Variants in CCDC7 observed in about 807,000 individuals in gnomAD.
CCDC7 encodes the protein coiled-coil domain containing 7.
Under a neutral mutation model 196.9 loss-of-function variants are expected in CCDC7, and 183 were observed. That is an observed-to-expected ratio of 0.93 (90% CI 0.82 to 1.05). CCDC7 has a LOEUF of 1.05. Ranked by LOEUF, CCDC7 falls within the 50% of genes least tolerant of loss-of-function variation. CCDC7 has a pLI of 0.00. For synonymous variants in CCDC7, 525 were observed against 484.6 expected, an observed-to-expected ratio of 1.08 and a Z score of -1.10; for missense variants, 1,540 against 1,482.2, an observed-to-expected ratio of 1.04 and a Z score of -0.64.
intron 28 of CCDC7, among the ~76,000 whole-genome samples, chr10:32,744,246 T>C (rs1449167897): frequency 2.0e-5 from 3 of 152,122 alleles, no homozygotes; most frequent in Non-Finnish European, 2.9e-5. Context: ...AAGCCTATAC[T>C]GTTTGCTAAA....
intron 20 of CCDC7, among the ~76,000 whole-genome samples, chr10:32,636,212 T>G (rs996139349): frequency 5.3e-5 from 8 of 152,148 alleles, no homozygotes; most frequent in Admixed American, 4.6e-4. Context: ...CTGGTTTTCA[T>G]TTAGTTCTTT....
chr10:32,703,937 T>C (rs1349457688), intron 24 of CCDC7, among the ~76,000 whole-genome samples: 1 of 152,076 alleles, frequency 6.6e-6, no homozygotes, highest in Non-Finnish European at 1.5e-5. Context: ...TCAAGGTTTT[T>C]AACTTCTTTG....
chr10:32,788,767 T>C (rs959436951), intron 29 of CCDC7, among the ~76,000 whole-genome samples: 6 of 152,208 alleles, frequency 3.9e-5, no homozygotes, highest in African/African-American at 1.4e-4. Context: ...CAAGTCATTC[T>C]CCATGGACCC....
Position 32,534,061 on chromosome 10 carries a change from CT to C in CCDC7, c.994-9238del, listed in dbSNP as rs201052333. On this transcript the variant is annotated intron_variant, in intron 11 of 41. Coordinates refer to ENST00000639629, the Ensembl canonical transcript of CCDC7. Reference sequence around the variant, plus strand: ...AGATTTGGTTCTTTAAAATAATTTTCTATATCTTGAAGGTAATTTTTATTCC... The same window carrying C: ...AGATTTGGTTCTTTAAAATAATTTTCATATCTTGAAGGTAATTTTTATTCC... 6.6e-3 allele frequency among the ~76,000 whole-genome samples: 1,007 copies of C among 152,130 alleles called. 7 individuals are homozygous for C. Among genetic ancestry groups the C allele is most frequent in the African/African-American group, 0.022 (902 of 41,536 alleles).
intron 28 of CCDC7, among the ~76,000 whole-genome samples, chr10:32,744,373 G>GAA (rs544931743): frequency 1.2e-4 from 15 of 125,334 alleles, no homozygotes; most frequent in Non-Finnish European, 1.7e-4. Context: ...TCCTGCTGGT[G>GAA]AAAAAAAAAA....
intron 28 of CCDC7, among the ~76,000 whole-genome samples, chr10:32,755,795 A>G (rs551760308): frequency 6.6e-6 from 1 of 152,248 alleles, no homozygotes; most frequent in South Asian, 2.1e-4. Context: ...ACGATCAGTA[A>G]TAACAAATTT....
intron 8 of CCDC7, among the ~76,000 whole-genome samples, chr10:32,487,960 C>T (rs1023260453): frequency 5.9e-5 from 9 of 152,328 alleles, no homozygotes; most frequent in South Asian, 4.1e-4. Context: ...GCAGTCTGTC[C>T]GTTCTCAGAT....
intron 21 of CCDC7, among the ~76,000 whole-genome samples, chr10:32,683,563 G>C (rs986424659): frequency 6.6e-6 from 1 of 152,154 alleles, no homozygotes; most frequent in South Asian, 2.1e-4. Flanking sequence ...AAATTGCTTT[G>C]AGTAGTATGG....
chr10:32,837,213 C>T (rs1210151178), intron 33 of CCDC7, among the ~76,000 whole-genome samples: 1 of 151,944 alleles, frequency 6.6e-6, no homozygotes, highest in Non-Finnish European at 1.5e-5. Flanking sequence ...ACAAAGAACG[C>T]AAACAAATTT....
chr10:32,451,855 G>A (rs1292520785), exon 1 of CCDC7: 4 of 1,613,798 alleles, frequency 2.5e-6, no homozygotes, highest in Middle Eastern at 1.6e-4. Flanking sequence ...CCATTCCATC[G>A]AGTAAGACAA....
intron 11 of CCDC7, among the ~76,000 whole-genome samples, chr10:32,530,449 C>T (rs908996677): frequency 1.3e-5 from 2 of 152,034 alleles, no homozygotes; most frequent in African/African-American, 4.8e-5. Context: ...AAACTGAAGG[C>T]CTTTTGTCCA....
At chr10:32,453,410 C>T (rs996075130) in exon 2 of CCDC7, 3 of 1,548,032 alleles carry the variant, frequency 1.9e-6, no homozygotes, top group Non-Finnish European at 1.7e-6. Context: ...ATTTGTAAAG[C>T]ATGAACATGA....
intron 28 of CCDC7, among the ~76,000 whole-genome samples, chr10:32,750,017 T>C (rs1341984473): frequency 6.6e-6 from 1 of 152,184 alleles, no homozygotes; most frequent in African/African-American, 2.4e-5. Context: ...ACATATGTAA[T>C]TGCCAATATT....
intron 18 of CCDC7, among the ~76,000 whole-genome samples, chr10:32,584,543 G>A (rs1234734667): frequency 1.3e-5 from 2 of 151,550 alleles, no homozygotes; most frequent in African/African-American, 4.8e-5. Flanking sequence ...GGATCACGAG[G>A]TCAGGAGTTC....
chr10:32,629,000 A>G (rs773235002), intron 18 of CCDC7, among the ~76,000 whole-genome samples: 1 of 152,094 alleles, frequency 6.6e-6, no homozygotes, highest in Non-Finnish European at 1.5e-5. Context: ...TTCTGTATAT[A>G]TCTATTAGGT....
intron 18 of CCDC7, among the ~76,000 whole-genome samples, chr10:32,608,942 T>C (rs2061810013): frequency 6.6e-6 from 1 of 152,248 alleles, no homozygotes; most frequent in Non-Finnish European, 1.5e-5. Context: ...CCTCTTGCTA[T>C]TAGTTTCTAG....
At chr10:32,610,564 C>T (rs1448977846) in intron 18 of CCDC7, among the ~76,000 whole-genome samples, 3 of 152,140 alleles carry the variant, frequency 2.0e-5, no homozygotes, top group African/African-American at 4.8e-5. Context: ...AATACTGTTC[C>T]TCCCCTTGCC....
At chr10:32,493,458 T>C (rs2134558181) in intron 9 of CCDC7, among the ~76,000 whole-genome samples, 1 of 151,576 alleles carries the variant, frequency 6.6e-6, no homozygotes, top group East Asian at 1.9e-4. Flanking sequence ...TTAGGTTGAT[T>C]CCATATTGTA....
intron 9 of CCDC7, among the ~76,000 whole-genome samples, chr10:32,515,537 CTTATTT>C (rs1278981868): frequency 6.6e-6 from 1 of 151,926 alleles, no homozygotes; most frequent in South Asian, 2.1e-4. Context: ...GGCTGGATTA[CTTATTT>C]TTATTTTTAT....
Sources: gnomAD v4.1 joint callset for allele counts (sites outside exome capture counted in the v4.1 genomes callset) on GRCh38, gnomAD v4.1.1 for gene constraint, MANE v1.5 for transcripts, NCBI Gene and HGNC (gene_info 2026-07-23, HGNC 2026-07-21) for gene names.